Variants in NDE1 observed in about 807,000 individuals in gnomAD.
NDE1 encodes nuclear distribution protein nudE homolog 1.
In NDE1, 28 loss-of-function variants were observed where a neutral mutation model predicts 43.4. The observed-to-expected ratio is 0.65, with a 90% CI of 0.48 to 0.89. The LOEUF is 0.89. Ranked by LOEUF, NDE1 falls within the 40% of genes least tolerant of loss-of-function variation. The pLI is 0.00. For synonymous variants in NDE1, 184 were observed against 172.0 expected (o/e 1.07, Z -0.55); for missense variants, 441 against 434.1 (o/e 1.02, Z -0.14).
chr16:15,667,417 G>T lies in NDE1; in HGVS notation c.215G>T (p.Arg72Leu), dbSNP rs139632459. Residue 72 changes from arginine (R) to leucine (L), a missense_variant, in exon 3 of 9, where the codon CGC (arginine) becomes CTC (leucine). Physicochemically the swap from Arg to Leu is moderately radical, Grantham distance 102 (BLOSUM62 -2). Coordinates refer to ENST00000396354, the MANE Select transcript of NDE1 (RefSeq NM_017668.3). The part of the protein sequence containing the change: ...RDLLSENNRL[R>L]MELETIKEKF... ...CTCCTGTCCGAAAATAACCGCCTTC[G>T]CATGGAGCTGGAAACCATCAAGGTG... The T allele has an allele frequency of 6.2e-6, 10 of 1,613,676 alleles. No individual in the cohort carries two copies. Among genetic ancestry groups the T allele is most frequent in the African/African-American group, 2.7e-5 (2 of 74,850 alleles).
chr16:15,687,218 G>C (rs1280029742), intron 4 of NDE1, 157 bp from the exon 5 acceptor site: 1 of 1,540,608 alleles, frequency 6.5e-7, no homozygotes. Context: ...CCATGCCCCA[G>C]AAGGTTAAGG....
chr16:15,719,400 C>T, intron 8 of NDE1: 2 of 1,498,852 alleles, frequency 1.3e-6, no homozygotes, highest in East Asian at 2.3e-5. Flanking sequence ...CTTGAAAGTA[C>T]ATGTTCTTCC....
At chr16:15,677,373 G>A (rs1264411309) in intron 3 of NDE1, among the ~76,000 whole-genome samples, 2 of 151,998 alleles carry the variant, frequency 1.3e-5, no homozygotes, top group Non-Finnish European at 1.5e-5. Context: ...CACTTGAGGT[G>A]TCAGGAGTTC....
intron 8 of NDE1, chr16:15,714,497 G>A (rs1298798052): frequency 3.1e-6 from 1 of 317,856 alleles, no homozygotes; most frequent in East Asian, 7.6e-5. Flanking sequence ...GATGGCAGCA[G>A]TGCTGAGGGG....
chr16:15,689,522 C>A (rs776811235), intron 5 of NDE1, among the ~76,000 whole-genome samples: 1 of 152,100 alleles, frequency 6.6e-6, no homozygotes, highest in Non-Finnish European at 1.5e-5. Context: ...AGACATACCA[C>A]TGAAGTGGGG....
intron 4 of NDE1, chr16:15,687,141 T>C: frequency 7.1e-7 from 1 of 1,415,652 alleles, no homozygotes; most frequent in Non-Finnish European, 9.3e-7. Context: ...CAGCATCTTA[T>C]TTAATCCTCA....
At position 15,720,282 on chromosome 16, in the gene NDE1, C is replaced by T. The variant is rs777768672; in HGVS notation, c.948-3909C>T. 2.5e-5 allele frequency: 41 copies of T among 1,614,074 alleles called. 1 individual carries two copies. The Admixed American group carries it at 5.5e-4, about 22-fold the overall frequency. On this transcript the variant is annotated intron_variant, in intron 8 of 8. Transcript: ENST00000396354. The stretch of plus-strand genomic sequence containing the variant: ...GCTGCCAGGGCACGTTGCTTTCGCT[C>T]GTCTTCCAGTTCCGTCTCATACTCG...
At chr16:15,687,340 G>T (rs1324817041) in intron 4 of NDE1, 35 bp from the exon 5 acceptor site, 4 of 1,613,916 alleles carry the variant, frequency 2.5e-6, no homozygotes, top group Non-Finnish European at 3.4e-6. Context: ...GCTGCGGTTT[G>T]TCCTCTTGGA....
rs112767652 is a variant in NDE1, at chr16:15,685,953, ATT to A, written c.387-1407_387-1406del. On this transcript the variant is annotated intron_variant, in intron 4 of 8. Coordinates refer to ENST00000396354, the MANE Select transcript of NDE1 (RefSeq NM_017668.3). ...ACATCTGTTGTGTGCTTCCTGTAGG[ATT>A]TTTTTTTTTTTTTTGGGAAACATTC... Among the ~76,000 whole-genome samples the A allele has an allele frequency of 8.4e-3, 1,164 of 138,280 alleles. 16 individuals carry two copies. The highest frequency in any genetic ancestry group is 0.03 in the African/African-American group (1,118 of 37,826). The allele number at this position is 138,280 out of a possible 152,430, so 90.7% of individuals were successfully genotyped here.
At chr16:15,703,163 A>ACCATTTAT (rs2039278816) in intron 8 of NDE1, 1 of 191,830 alleles carries the variant, frequency 5.2e-6, no homozygotes, top group African/African-American at 2.3e-5. Flanking sequence ...TATTAGTGAA[A>ACCATTTAT]GTGTTTTTAA....
chr16:15,677,000 C>G (rs929791393), intron 3 of NDE1, among the ~76,000 whole-genome samples: 2 of 152,086 alleles, frequency 1.3e-5, no homozygotes, highest in African/African-American at 4.8e-5. Flanking sequence ...AATGATTTGT[C>G]TGAAGAATGA....
chr16:15,659,874 G>T (rs1320351693), intron 1 of NDE1, among the ~76,000 whole-genome samples: 1 of 150,454 alleles, frequency 6.6e-6, no homozygotes, highest in African/African-American at 2.4e-5. Flanking sequence ...TTAGCCGCCT[G>T]AGTAGCTGGG....
At chr16:15,706,436 C>T (rs1036360443) in intron 8 of NDE1, among the ~76,000 whole-genome samples, 7 of 152,124 alleles carry the variant, frequency 4.6e-5, no homozygotes, top group African/African-American at 1.4e-4. Flanking sequence ...CCAGTTGCTG[C>T]GACTCATGCC....
chr16:15,699,262 C>T (rs2039139843), intron 8 of NDE1, among the ~76,000 whole-genome samples: 2 of 140,644 alleles, frequency 1.4e-5, no homozygotes, highest in African/African-American at 6.0e-5. Flanking sequence ...TCATGCCTGG[C>T]CTTTTTTTTT....
intron 4 of NDE1, among the ~76,000 whole-genome samples, chr16:15,680,684 C>T (rs1332748468): frequency 2.6e-5 from 4 of 152,018 alleles, no homozygotes; most frequent in African/African-American, 4.8e-5. Flanking sequence ...GGATTACAGG[C>T]GCCCCCCACC....
chr16:15,694,545 G>A lies in NDE1; in HGVS notation c.795+289G>A, dbSNP rs1056005312. 11 of 826,954 alleles carry A rather than the reference G, an allele frequency of 1.3e-5. No individual in the cohort carries two copies. The South Asian group carries it at 2.8e-4, about 21-fold the overall frequency. 51.2% of individuals were successfully genotyped at this position (826,954 alleles called of 1,614,324 possible). On this transcript the variant is annotated intron_variant, in intron 7 of 8. Transcript: ENST00000396354. ...ATTTTTTTGTAGTAATGTGGGTATC[G>A]CTGTGTTGCCCAGGCTGGTCTTAAA...
intron 8 of NDE1, chr16:15,715,142 G>A: frequency 6.2e-7 from 1 of 1,612,940 alleles, no homozygotes; most frequent in Non-Finnish European, 8.5e-7. Context: ...GGGCTCGAGG[G>A]AGGCTGGGTG....
At chr16:15,700,973 G>A (rs1297551863) in intron 8 of NDE1, among the ~76,000 whole-genome samples, 1 of 152,086 alleles carries the variant, frequency 6.6e-6, no homozygotes, top group East Asian at 1.9e-4. Context: ...CGGTGGCTCA[G>A]GCCGGTAATC....
At chr16:15,643,409 C>T in exon 1 of NDE1, 1 of 476,654 alleles carries the variant, frequency 2.1e-6, no homozygotes, top group Admixed American at 2.3e-5. Flanking sequence ...CCCCTGGCTT[C>T]ACGTTGTGGA....
Sources: gnomAD v4.1 joint callset for allele counts (sites outside exome capture counted in the v4.1 genomes callset) on GRCh38, gnomAD v4.1.1 for gene constraint, MANE v1.5 for transcripts, NCBI Gene and HGNC (gene_info 2026-07-23, HGNC 2026-07-21) for gene names.